ASIC2: variants seen among roughly 807,000 people sequenced by gnomAD.
ASIC2 encodes the protein acid sensing ion channel subunit 2.
ASIC2 carries 25 observed loss-of-function variants against 57.3 expected under a neutral mutation model. The observed-to-expected ratio is 0.44, with a 90% confidence interval of 0.32 to 0.61. The LOEUF (loss-of-function observed/expected upper bound fraction) is 0.61, where lower values mean the gene tolerates loss of function less well. ASIC2 is among the 20% of genes least tolerant of loss of function. ASIC2 has a pLI of 0.06. For synonymous variants in ASIC2, 319 were observed against 307.5 expected (o/e 1.04, Z -0.39); for missense variants, 641 against 738.1 (o/e 0.87, Z 1.52).
intron 1 of ASIC2, among the ~76,000 whole-genome samples, chr17:33,777,368 A>C (rs936824426): frequency 1.3e-5 from 2 of 152,230 alleles, no homozygotes; most frequent in Admixed American, 6.5e-5. Context: ...TTGGTTCCTC[A>C]TGATGGGTCA....
intron 1 of ASIC2, among the ~76,000 whole-genome samples, chr17:33,772,446 G>C (rs1026042521): frequency 2.6e-5 from 4 of 152,236 alleles, no homozygotes; most frequent in African/African-American, 7.2e-5. Flanking sequence ...CATTCTAAAG[G>C]CTCCTGTGTT....
chr17:33,420,906 T>G (rs1911021698), intron 1 of ASIC2, among the ~76,000 whole-genome samples: 2 of 152,184 alleles, frequency 1.3e-5, no homozygotes, highest in South Asian at 4.1e-4. Context: ...AACATAAACC[T>G]TAGCTACACA....
chr17:33,811,009 T>G (rs1912404708), intron 1 of ASIC2, among the ~76,000 whole-genome samples: 1 of 152,196 alleles, frequency 6.6e-6, no homozygotes. Flanking sequence ...GAAATCCCTT[T>G]GCAGGGTGGC....
At chr17:33,534,231 C>T (rs923486612) in intron 1 of ASIC2, 3 of 152,106 alleles carry the variant, frequency 2.0e-5, no homozygotes, top group South Asian at 2.1e-4. Context: ...AATTCAAACG[C>T]GAACCAGAAG....
intron 1 of ASIC2, among the ~76,000 whole-genome samples, chr17:33,926,559 C>T (rs549314628): frequency 5.3e-5 from 8 of 152,350 alleles, no homozygotes; most frequent in Admixed American, 2.6e-4. Context: ...GTGTCACCAT[C>T]TCAGCCACCC....
intron 1 of ASIC2, among the ~76,000 whole-genome samples, chr17:33,405,004 T>G (rs1398372695): frequency 6.6e-6 from 1 of 152,122 alleles, no homozygotes; most frequent in Non-Finnish European, 1.5e-5. Context: ...CTTATTTTTT[T>G]TTTTTTCTTT....
chr17:34,081,633 C>T (rs989109381), intron 1 of ASIC2, among the ~76,000 whole-genome samples: 16 of 152,298 alleles, frequency 1.1e-4, no homozygotes, highest in Admixed American at 2.6e-4. Flanking sequence ...CACTCAAGTT[C>T]GTACTCTCAG....
At chr17:33,385,469 T>C (rs71377483) in intron 1 of ASIC2, among the ~76,000 whole-genome samples, 2 of 152,218 alleles carry the variant, frequency 1.3e-5, no homozygotes, top group Non-Finnish European at 2.9e-5. Flanking sequence ...CTGACTCAGA[T>C]TTTTCTTATT....
In ASIC2 at chr17:33,210,476, C is replaced by G. The variant is rs565288245; in HGVS notation, c.708+80932G>C. ...CTCTCCATCTGCACTCTCATCCCCT[C>G]CACCCCCCAACCCAGGCTGCCAGGC... On this transcript the variant is annotated intron_variant, in intron 1 of 9. Coordinates refer to ENST00000225823, the MANE Select transcript of ASIC2 (RefSeq NM_183377.2). 3.3e-5 allele frequency among the ~76,000 whole-genome samples: 5 copies of G among 152,328 alleles called. No homozygotes were observed. The South Asian group carries it at 1.0e-3, about 32-fold the overall frequency.
intron 1 of ASIC2, chr17:34,006,883 C>G (rs1906544412): frequency 6.6e-6 from 1 of 152,066 alleles, no homozygotes; most frequent in African/African-American, 2.4e-5. Flanking sequence ...GTCTGAGTAG[C>G]TTGAGATTTG....
intron 1 of ASIC2, among the ~76,000 whole-genome samples, chr17:33,988,829 A>G (rs991572177): frequency 2.0e-5 from 3 of 151,996 alleles, no homozygotes; most frequent in African/African-American, 7.2e-5. Context: ...ACTCTTAGAC[A>G]GTGACTGGTT....
Position 33,370,397 on chromosome 17 carries a change from C to T in ASIC2, c.556-258330G>A, listed in dbSNP as rs1025360237. ...ATGCTCTGCTTTCCAACAAATTAGC[C>T]TAGAACATGTGTATTCTGCCTATGG... On this transcript the variant is annotated intron_variant, in intron 1 of 9. Coordinates refer to the ASIC2 transcript ENST00000359872. Among the ~76,000 whole-genome samples, 67 of 152,202 alleles carry T rather than the reference C, an allele frequency of 4.4e-4. 1 individual carries two copies. The highest frequency in any genetic ancestry group is 1.6e-3 in the African/African-American group (65 of 41,446).
At chr17:33,091,642 G>A (rs571775638) in intron 2 of ASIC2, among the ~76,000 whole-genome samples, 1 of 152,326 alleles carries the variant, frequency 6.6e-6, no homozygotes, top group South Asian at 2.1e-4. Context: ...AATTGAACTG[G>A]GTTCGGATTT....
At chr17:33,355,124 G>A (rs1402549592) in intron 1 of ASIC2, among the ~76,000 whole-genome samples, 1 of 152,186 alleles carries the variant, frequency 6.6e-6, no homozygotes, top group Non-Finnish European at 1.5e-5. Flanking sequence ...CCTGAGATCA[G>A]GAGTTTGAGA....
intron 1 of ASIC2, among the ~76,000 whole-genome samples, chr17:33,401,021 G>A (rs1356554241): frequency 6.6e-6 from 1 of 152,082 alleles, no homozygotes; most frequent in East Asian, 1.9e-4. Context: ...CCATATCGTC[G>A]TCACTCAGGG....
intron 1 of ASIC2, among the ~76,000 whole-genome samples, chr17:33,287,069 C>T (rs1331058260): frequency 6.6e-6 from 1 of 152,244 alleles, no homozygotes; most frequent in African/African-American, 2.4e-5. Context: ...CTGCTACCAT[C>T]AGATGTCAAG....
chr17:33,306,654 A>G (rs1393181005), intron 1 of ASIC2, among the ~76,000 whole-genome samples: 1 of 152,106 alleles, frequency 6.6e-6, no homozygotes, highest in East Asian at 1.9e-4. Flanking sequence ...ACCTTGGTTC[A>G]GCTCTTGTTG....
chr17:33,502,663 C>T (rs1170246738), intron 1 of ASIC2, among the ~76,000 whole-genome samples: 1 of 152,236 alleles, frequency 6.6e-6, no homozygotes, highest in African/African-American at 2.4e-5. Flanking sequence ...ACCCGGGTTA[C>T]AATCCCAACC....
chr17:33,801,630 A>G (rs1912135640), intron 1 of ASIC2, among the ~76,000 whole-genome samples: 2 of 152,226 alleles, frequency 1.3e-5, no homozygotes, highest in Admixed American at 6.5e-5. Context: ...ATGAAAGGAA[A>G]TAATACATTC....
Sources: gnomAD v4.1 joint callset for allele counts (sites outside exome capture counted in the v4.1 genomes callset) on GRCh38, gnomAD v4.1.1 for gene constraint, MANE v1.5 for transcripts, NCBI Gene and HGNC (gene_info 2026-07-23, HGNC 2026-07-21) for gene names.